The following NCKAP5 variants were observed in gnomAD, a reference collection of about 807,000 sequenced individuals.
The protein encoded by NCKAP5 is NCK associated protein 5.
A neutral mutation model predicts 167.0 loss-of-function variants in NCKAP5; 92 were observed. The observed-to-expected ratio is 0.55, with a 90% CI of 0.47 to 0.66. The LOEUF is 0.66. Ranked by LOEUF, NCKAP5 falls within the 30% of genes least tolerant of loss-of-function variation. The pLI is 0.00. For missense variants in NCKAP5, 2,378 were observed against 2,315.0 expected, an observed-to-expected ratio of 1.03 and a Z score of -0.56; for synonymous variants, 891 against 877.4, an observed-to-expected ratio of 1.02 and a Z score of -0.27.
At chr2:133,521,627 TCCTCACATGG>T (rs1167220983) in intron 2 of NCKAP5, among the ~76,000 whole-genome samples, 5 of 152,196 alleles carry the variant, frequency 3.3e-5, no homozygotes, top group African/African-American at 1.2e-4. Context: ...TCTCACTGTG[TCCTCACATGG>T]CCTTTGCTTT....
intron 6 of NCKAP5, among the ~76,000 whole-genome samples, chr2:133,018,151 C>T (rs2078406629): frequency 6.6e-6 from 1 of 152,126 alleles, no homozygotes; most frequent in South Asian, 2.1e-4. Flanking sequence ...CCTGGGGTGC[C>T]TATTCTGTCT....
At chr2:133,653,177 G>A in the NCKAP5 span, among the ~76,000 whole-genome samples, 1 of 152,038 alleles carries the variant, frequency 6.6e-6, no homozygotes, top group South Asian at 2.1e-4. Context: ...GAATATTAGG[G>A]GCTGCCTTAA....
At chr2:133,516,283 C>G (rs1683985468) in intron 3 of NCKAP5, among the ~76,000 whole-genome samples, 1 of 151,950 alleles carries the variant, frequency 6.6e-6, no homozygotes, top group Non-Finnish European at 1.5e-5. Context: ...ACACAGACAC[C>G]CAGACACACT....
intron 5 of NCKAP5, among the ~76,000 whole-genome samples, chr2:133,208,034 T>G (rs2086033652): frequency 6.6e-6 from 1 of 152,054 alleles, no homozygotes; most frequent in African/African-American, 2.4e-5. Flanking sequence ...ATGACCAAGA[T>G]TCATCTCAAC....
At chr2:132,793,455 AGG>A (rs908279033) in intron 12 of NCKAP5, among the ~76,000 whole-genome samples, 1 of 152,246 alleles carries the variant, frequency 6.6e-6, no homozygotes, top group African/African-American at 2.4e-5. Context: ...TGAATCACCA[AGG>A]GATCTTGTTA....
chr2:133,090,730 G>C (rs886863787), intron 6 of NCKAP5, among the ~76,000 whole-genome samples: 1 of 150,220 alleles, frequency 6.7e-6, no homozygotes, highest in Non-Finnish European at 1.5e-5. Context: ...ATCATGCTTT[G>C]TTTATGTGTT....
At chr2:133,658,210 C>T in the NCKAP5 span, among the ~76,000 whole-genome samples, 2 of 151,864 alleles carry the variant, frequency 1.3e-5, no homozygotes, top group African/African-American at 2.4e-5. Flanking sequence ...AGAAATGGGC[C>T]GGGGAGAACT....
intron 16 of NCKAP5, among the ~76,000 whole-genome samples, chr2:132,741,941 T>C (rs1228211612): frequency 6.6e-6 from 1 of 152,122 alleles, no homozygotes; most frequent in Non-Finnish European, 1.5e-5. Context: ...ATTTTAAACC[T>C]AAACAAATGC....
chr2:133,387,535 C>A (rs1011687751), intron 3 of NCKAP5, among the ~76,000 whole-genome samples: 5 of 152,152 alleles, frequency 3.3e-5, no homozygotes, highest in Non-Finnish European at 7.3e-5. Flanking sequence ...TGGAGTTGCT[C>A]TTCTCGAGGA....
At chr2:133,375,292 GT>G (rs1482936006) in intron 3 of NCKAP5, among the ~76,000 whole-genome samples, 1 of 152,204 alleles carries the variant, frequency 6.6e-6, no homozygotes, top group Non-Finnish European at 1.5e-5. Flanking sequence ...CTTCTAGGGT[GT>G]TAGTAATGTC....
At chr2:132,778,325 TCAGA>T (rs201148722) in intron 15 of NCKAP5, among the ~76,000 whole-genome samples, 4,648 of 152,124 alleles carry the variant, frequency 0.031, 119 homozygotes, top group Non-Finnish European at 0.044. Context: ...AAAATTTAAT[TCAGA>T]CAAACATTAA....
rs1301451274 is a variant in NCKAP5 at position 132,782,022 on chromosome 2, G to A, written c.4789C>T (p.Gln1597Ter). ...NRRTPQDIYNQLKIEPRNRHS... is the reference protein window; with the variant it reads ...NRRTPQDIYN ...CTATTCCTTGGTTCAATCTTCAGTT[G>A]GTTGTAAATGTCTTGTGGTGTTCTC... Residue 1597 changes from glutamine (Q) to a stop codon, truncating the protein, a stop_gained, in exon 14 of 20, where the codon CAA becomes TAA. Coordinates refer to ENST00000409261, the MANE Select transcript of NCKAP5 (RefSeq NM_207363.3). LOFTEE classifies it high-confidence loss of function. The A allele has an allele frequency of 6.2e-7, 1 of 1,613,968 alleles. No homozygotes were observed. The highest frequency in any genetic ancestry group is 2.2e-5 in the East Asian group (1 of 44,884).
At chr2:132,760,697 G>A (rs1680928438) in intron 16 of NCKAP5, among the ~76,000 whole-genome samples, 1 of 152,174 alleles carries the variant, frequency 6.6e-6, no homozygotes, top group South Asian at 2.1e-4. Context: ...AGTGCCTTGA[G>A]AGAGGATTTG....
In NCKAP5 at chr2:133,322,486, T is replaced by C. The variant is rs372350200; in HGVS notation, c.70-19376A>G. On this transcript the variant is annotated intron_variant, in intron 3 of 19. Coordinates refer to ENST00000409261, the MANE Select transcript of NCKAP5 (RefSeq NM_207363.3). ...GTTTGCTTAATTATCTTTTACAACATACCAGTAAAACAGTGTGTCTGTCTC... is the reference window on the plus strand; with the variant it reads ...GTTTGCTTAATTATCTTTTACAACACACCAGTAAAACAGTGTGTCTGTCTC... Among the ~76,000 whole-genome samples, 12 of 152,362 alleles carry C rather than the reference T, an allele frequency of 7.9e-5. No homozygotes were observed. In the East Asian group the frequency reaches 1.9e-3, roughly 24 times the overall value.
intron 8 of NCKAP5, among the ~76,000 whole-genome samples, chr2:132,939,015 C>T (rs1024851882): frequency 1.3e-5 from 2 of 152,114 alleles, no homozygotes; most frequent in East Asian, 3.9e-4. Flanking sequence ...CGTGTATATT[C>T]ATGTTTAGTT....
chr2:133,505,284 A>G (rs1262925794), intron 3 of NCKAP5, among the ~76,000 whole-genome samples: 2 of 152,162 alleles, frequency 1.3e-5, no homozygotes, highest in Admixed American at 6.5e-5. Flanking sequence ...AAGGAATTTG[A>G]GGTTGGTCAG....
intron 2 of NCKAP5, among the ~76,000 whole-genome samples, chr2:133,531,279 C>T (rs1446370854): frequency 6.6e-6 from 1 of 152,106 alleles, no homozygotes; most frequent in Non-Finnish European, 1.5e-5. Flanking sequence ...TAATAAATTA[C>T]TTCAATCATT....
intron 6 of NCKAP5, among the ~76,000 whole-genome samples, chr2:133,121,511 C>T (rs916375312): frequency 2.6e-4 from 40 of 152,138 alleles, no homozygotes; most frequent in African/African-American, 8.4e-4. Context: ...CAAAGCCATT[C>T]ACCTTAGAAT....
chr2:133,221,456 T>G (rs1481380281), intron 4 of NCKAP5, among the ~76,000 whole-genome samples: 1 of 152,250 alleles, frequency 6.6e-6, no homozygotes, highest in African/African-American at 2.4e-5. Flanking sequence ...TAATGGAAAT[T>G]TTTATGCATT....
Sources: gnomAD v4.1 joint callset for allele counts (sites outside exome capture counted in the v4.1 genomes callset) on GRCh38, gnomAD v4.1.1 for gene constraint, MANE v1.5 for transcripts, NCBI Gene and HGNC (gene_info 2026-07-23, HGNC 2026-07-21) for gene names.